WAPL: variants seen among roughly 807,000 people sequenced by gnomAD.
The protein encoded by WAPL is WAPL cohesin release factor, also known as wings apart-like protein homolog.
In WAPL, 5 loss-of-function variants were observed where a neutral mutation model predicts 121.0. That is an observed-to-expected ratio of 0.04 (90% CI 0.02 to 0.09). The LOEUF is 0.09. Ranked by LOEUF, WAPL falls within the 10% of genes least tolerant of loss-of-function variation. WAPL has a pLI of 1.00. For missense variants in WAPL, 999 were observed against 1,410.8 expected, an observed-to-expected ratio of 0.71 and a Z score of 4.68; for synonymous variants, 480 against 481.5, an observed-to-expected ratio of 1.00 and a Z score of 0.04.
chr10:86,516,989 A>G (rs1842567058), intron 2 of WAPL, among the ~76,000 whole-genome samples: 1 of 152,126 alleles, frequency 6.6e-6, no homozygotes, highest in South Asian at 2.1e-4. Context: ...AGGCTGAGGC[A>G]GGAAAATGGC....
intron 15 of WAPL, 103 bp downstream of exon 15, chr10:86,451,864 A>G (rs1840989201): frequency 4.6e-6 from 6 of 1,290,752 alleles, no homozygotes; most frequent in Middle Eastern, 4.3e-4. Flanking sequence ...GAGGGCCAGC[A>G]GTGGATGGGC....
intron 4 of WAPL, among the ~76,000 whole-genome samples, chr10:86,495,672 C>T (rs953441697): frequency 4.6e-5 from 7 of 152,074 alleles, no homozygotes; most frequent in Non-Finnish European, 7.4e-5. Flanking sequence ...ACAAATTGAA[C>T]ATCAAAATTA....
chr10:86,513,299 C>A lies in WAPL; in HGVS notation c.499+4272G>T, dbSNP rs533992937. On this transcript the variant is annotated intron_variant, in intron 2 of 18. Coordinates refer to ENST00000298767, the MANE Select transcript of WAPL (RefSeq NM_015045.5). The stretch of plus-strand genomic sequence containing the variant: ...GCCACTGTATGTTTTATAGTGACCT[C>A]ATCCTAAGTTTCCTCTTCAAGTGAA... 3.9e-5 allele frequency among the ~76,000 whole-genome samples: 6 copies of A among 152,134 alleles called. No homozygotes were observed. In the South Asian group the frequency reaches 1.2e-3, roughly 32 times the overall value.
Position 86,446,429 on chromosome 10 carries a change from C to T in WAPL, c.3135G>A (p.Arg1045=). 1 of 1,614,008 alleles carries T rather than the reference C, an allele frequency of 6.2e-7. No homozygotes were observed. Among genetic ancestry groups the T allele is most frequent in the East Asian group, 2.2e-5 (1 of 44,884 alleles). Residue 1045 remains arginine (R), a synonymous_variant, in exon 16 of 19, where the codon CGG becomes CGA. Coordinates refer to ENST00000298767, the MANE Select transcript of WAPL (RefSeq NM_015045.5). ...ALVQLFLERE[R]AAQLAESKTD... Reference sequence around the variant, plus strand: ...TTTTACTTTCTGCTAGCTGGGCTGCCCGCTCTCGCTCAAGGAATAGCTGAT... The same window carrying T: ...TTTTACTTTCTGCTAGCTGGGCTGCTCGCTCTCGCTCAAGGAATAGCTGAT...
chr10:86,437,764 A>G (rs1243028372), intron 18 of WAPL, among the ~76,000 whole-genome samples, 156 bp from the exon 19 acceptor site: 1 of 152,216 alleles, frequency 6.6e-6, no homozygotes, highest in African/African-American at 2.4e-5. Context: ...TATTTGCCAT[A>G]ACATGCAATG....
At chr10:86,458,146 C>T (rs887413866) in intron 12 of WAPL, among the ~76,000 whole-genome samples, 1 of 152,176 alleles carries the variant, frequency 6.6e-6, no homozygotes, top group Non-Finnish European at 1.5e-5. Context: ...AATAAGGAAT[C>T]AGAGATTTGA....
chr10:86,505,420 G>A (rs1158654227), intron 2 of WAPL, among the ~76,000 whole-genome samples: 1 of 146,320 alleles, frequency 6.8e-6, no homozygotes, highest in Non-Finnish European at 1.5e-5. Context: ...CTGAGTAGCT[G>A]GGACTACAGG....
At chr10:86,443,429 A>T in intron 16 of WAPL, 66 bp from the exon 17 acceptor site, 1 of 1,393,292 alleles carries the variant, frequency 7.2e-7, no homozygotes. Flanking sequence ...AAAACCAACC[A>T]TTCTGTTAGT....
chr10:86,442,544 A>G (rs1195638303), intron 17 of WAPL, among the ~76,000 whole-genome samples: 1 of 152,116 alleles, frequency 6.6e-6, no homozygotes, highest in Non-Finnish European at 1.5e-5. Context: ...TGACAGGCAC[A>G]TCCTTCCTAA....
intron 4 of WAPL, among the ~76,000 whole-genome samples, chr10:86,479,501 G>A (rs1841733440): frequency 6.6e-6 from 1 of 152,180 alleles, no homozygotes; most frequent in African/African-American, 2.4e-5. Flanking sequence ...TGATCCACCT[G>A]CCTTGGCCTC....
intron 17 of WAPL, among the ~76,000 whole-genome samples, 179 bp from the exon 18 acceptor site, chr10:86,438,194 A>C (rs1849372605): frequency 6.6e-6 from 1 of 152,210 alleles, no homozygotes; most frequent in Non-Finnish European, 1.5e-5. Context: ...CACCCTCAGA[A>C]AGAAAGGAGA....
Position 86,458,974 on chromosome 10 carries a change from A to T in WAPL, c.2657+15T>A, listed in dbSNP as rs756845374. On this transcript the variant is annotated intron_variant, in intron 12 of 18. Coordinates refer to ENST00000298767, the MANE Select transcript of WAPL (RefSeq NM_015045.5). Reference sequence around the variant, plus strand: ...GTAACAATGTTAGTTGTTAACTAATAAACAAAAAACTTACTTAGCTGATGA... The same window carrying T: ...GTAACAATGTTAGTTGTTAACTAATTAACAAAAAACTTACTTAGCTGATGA... 1 of 1,589,142 alleles carries T rather than the reference A, an allele frequency of 6.3e-7. No individual in the cohort carries two copies. Among genetic ancestry groups the T allele is most frequent in the African/African-American group, 1.3e-5 (1 of 74,122 alleles).
intron 2 of WAPL, among the ~76,000 whole-genome samples, chr10:86,509,382 C>T (rs1271073453): frequency 2.0e-5 from 3 of 152,186 alleles, no homozygotes; most frequent in Non-Finnish European, 4.4e-5. Flanking sequence ...TGTCACCAAA[C>T]TCTGCCACTT....
chr10:86,521,516 A>T lies in WAPL; in HGVS notation c.-174T>A. On this transcript the variant is annotated 5_prime_UTR_variant, in exon 1 of 19. Coordinates refer to ENST00000298767, the MANE Select transcript of WAPL (RefSeq NM_015045.5). ...AGGGACTCTGCTTTCGGTAAATAGG[A>T]AGCCCGGTTGGGGGGGCAGGAGCGG... is the stretch of plus-strand genomic sequence containing the variant. 2 of 360,792 alleles carry T rather than the reference A, an allele frequency of 5.5e-6. No individual in the cohort carries two copies. Among genetic ancestry groups the T allele is most frequent in the South Asian group, 4.2e-5 (2 of 47,252 alleles). 22.3% of individuals were successfully genotyped at this position (360,792 alleles called of 1,614,324 possible).
At chr10:86,502,156 A>G (rs1842258452) in intron 2 of WAPL, among the ~76,000 whole-genome samples, 1 of 152,238 alleles carries the variant, frequency 6.6e-6, no homozygotes, top group Non-Finnish European at 1.5e-5. Flanking sequence ...GTAACAAGAA[A>G]CTCAATAGAA....
At chr10:86,518,152 T>C (rs2132236715) in intron 1 of WAPL, 61 bp from the exon 2 acceptor site, 1 of 1,462,030 alleles carries the variant, frequency 6.8e-7, no homozygotes, top group Non-Finnish European at 9.1e-7. Context: ...ACAGTGCATA[T>C]AAAAATAAAA....
rs1214541592 is a variant in WAPL at position 86,521,635 on chromosome 10, C to T, written c.-293G>A. 5 of 461,120 alleles carry T rather than the reference C, an allele frequency of 1.1e-5. No individual in the cohort carries two copies. Among genetic ancestry groups the T allele is most frequent in the African/African-American group, 1.0e-4 (5 of 48,172 alleles). 28.6% of individuals were successfully genotyped at this position (461,120 alleles called of 1,614,324 possible). A position where few individuals can be genotyped will look rare whatever the true frequency, so the allele number is the denominator to read the frequency against. ...CCACTGCTGGAGCTGGTAACAGAGC[C>T]TGCTGTGTGCCCCCGCTGGGCCGCC... On this transcript the variant is annotated 5_prime_UTR_variant, in exon 1 of 19. Transcript: ENST00000298767.
At chr10:86,519,204 C>T (rs146013976) in intron 1 of WAPL, among the ~76,000 whole-genome samples, 305 of 152,082 alleles carry the variant, frequency 2.0e-3, no homozygotes, top group African/African-American at 6.8e-3. Context: ...TGCATTAGTT[C>T]TGTGCCTATT....
At chr10:86,469,373 C>T (rs1841482361) in intron 8 of WAPL, among the ~76,000 whole-genome samples, 1 of 151,290 alleles carries the variant, frequency 6.6e-6, no homozygotes, top group African/African-American at 2.4e-5. Flanking sequence ...GTGCCTCAGC[C>T]TCCTGAGTGG....
Sources: gnomAD v4.1 joint callset for allele counts (sites outside exome capture counted in the v4.1 genomes callset) on GRCh38, gnomAD v4.1.1 for gene constraint, MANE v1.5 for transcripts, NCBI Gene and HGNC (gene_info 2026-07-23, HGNC 2026-07-21) for gene names.